The following SNX18 variants were observed in gnomAD, a reference collection of about 807,000 sequenced individuals.
SNX18 encodes sorting nexin 18.
In SNX18, 35 loss-of-function variants were observed where a neutral mutation model predicts 48.7. The observed-to-expected ratio is 0.72, with a 90% CI of 0.55 to 0.95. The LOEUF (loss-of-function observed/expected upper bound fraction) is 0.95, where lower values mean the gene tolerates loss of function less well. Ranked by LOEUF, SNX18 falls within the 40% of genes least tolerant of loss-of-function variation. The pLI, the probability that SNX18 is intolerant of heterozygous loss-of-function variation, is 0.00. For missense variants in SNX18, 824 were observed against 871.0 expected, an observed-to-expected ratio of 0.95 and a Z score of 0.68; for synonymous variants, 492 against 384.7, an observed-to-expected ratio of 1.28 and a Z score of -3.26.
intron 1 of SNX18, among the ~76,000 whole-genome samples, chr5:54,527,141 C>T (rs773836794): frequency 8.6e-5 from 13 of 151,734 alleles, no homozygotes; most frequent in Non-Finnish European, 1.6e-4. Flanking sequence ...AATGAAAGCC[C>T]GAGTCAGATG....
chr5:54,643,974 C>G, the SNX18 span: 1 of 152,202 alleles, frequency 6.6e-6, no homozygotes, highest in South Asian at 2.1e-4. Context: ...TTGGGTGACT[C>G]CACTGTTACT....
At chr5:54,595,043 A>G in the SNX18 span, among the ~76,000 whole-genome samples, 1 of 152,188 alleles carries the variant, frequency 6.6e-6, no homozygotes, top group African/African-American at 2.4e-5. Flanking sequence ...TGGTGTATAT[A>G]TACTACATTT....
At chr5:54,529,364 G>A (rs994839802) in intron 1 of SNX18, among the ~76,000 whole-genome samples, 1 of 152,168 alleles carries the variant, frequency 6.6e-6, no homozygotes, top group Non-Finnish European at 1.5e-5. Context: ...TCACCCAGGC[G>A]CCTGTTTGTT....
At chr5:54,608,070 A>T in the SNX18 span, among the ~76,000 whole-genome samples, 1 of 152,202 alleles carries the variant, frequency 6.6e-6, no homozygotes, top group Non-Finnish European at 1.5e-5. Flanking sequence ...GTACTTACAT[A>T]ATTGCTTTTT....
the SNX18 span, among the ~76,000 whole-genome samples, chr5:54,595,511 A>T: frequency 6.6e-6 from 1 of 152,296 alleles, no homozygotes; most frequent in South Asian, 2.1e-4. Context: ...CTGGGATTAT[A>T]GGTGTGAGCC....
the SNX18 span, among the ~76,000 whole-genome samples, chr5:54,596,908 C>T: frequency 3.3e-5 from 5 of 151,944 alleles, no homozygotes; most frequent in African/African-American, 7.2e-5. Flanking sequence ...AGAGGTCTCT[C>T]GACCAGATGC....
At chr5:54,603,255 TTTAGAGATAGG>T in the SNX18 span, among the ~76,000 whole-genome samples, 1 of 150,790 alleles carries the variant, frequency 6.6e-6, no homozygotes, top group Admixed American at 6.6e-5. Context: ...TATATATTTT[TTTAGAGATAGG>T]CTATCACTCT....
the SNX18 span, among the ~76,000 whole-genome samples, chr5:54,585,551 T>G: frequency 2.6e-5 from 4 of 151,838 alleles, no homozygotes; most frequent in African/African-American, 9.7e-5. Flanking sequence ...TTCCCCTGAG[T>G]TAGATGACCA....
chr5:54,577,703 G>T, the SNX18 span, among the ~76,000 whole-genome samples: 1 of 152,294 alleles, frequency 6.6e-6, no homozygotes, highest in East Asian at 1.9e-4. Context: ...TCCAGCATAC[G>T]CTGAGGTTTG....
At chr5:54,534,680 G>GA (rs1762318374) in intron 1 of SNX18, among the ~76,000 whole-genome samples, 1 of 146,346 alleles carries the variant, frequency 6.8e-6, no homozygotes, top group Admixed American at 6.8e-5. Context: ...TTTTTGTTTT[G>GA]TTTTTTTTTT....
the SNX18 span, among the ~76,000 whole-genome samples, chr5:54,604,840 C>T: frequency 6.6e-6 from 1 of 152,128 alleles, no homozygotes; most frequent in African/African-American, 2.4e-5. Context: ...AAGAGGATGA[C>T]TGGATATTGA....
At chr5:54,557,673 G>T in the SNX18 span, among the ~76,000 whole-genome samples, 1 of 152,138 alleles carries the variant, frequency 6.6e-6, no homozygotes, top group Non-Finnish European at 1.5e-5. Context: ...TTTCAGTTTT[G>T]TAAGATGACA....
chr5:54,526,751 C>T (rs781306691), intron 1 of SNX18, among the ~76,000 whole-genome samples: 2 of 152,054 alleles, frequency 1.3e-5, no homozygotes, highest in Non-Finnish European at 2.9e-5. Flanking sequence ...TGGAGACACT[C>T]AATGAAAAAC....
At chr5:54,609,537 T>C in the SNX18 span, among the ~76,000 whole-genome samples, 7 of 152,120 alleles carry the variant, frequency 4.6e-5, no homozygotes, top group Non-Finnish European at 8.8e-5. Context: ...CAGGCTGGCC[T>C]CCAACTTCTG....
chr5:54,588,322 T>C, the SNX18 span, among the ~76,000 whole-genome samples: 824 of 22,152 alleles, frequency 0.037, 30 homozygotes, highest in African/African-American at 0.14. Flanking sequence ...TTTTTTTTTT[T>C]TTTTTTTTTT....
At position 54,518,827 on chromosome 5, in the gene SNX18, T is replaced by G; in HGVS notation, c.875T>G (p.Met292Arg). ...ACCAAGCAGACCAAGTTCAAGGGCA[T>G]GAAGAGCTACATCTCCTACAAGCTG... is the stretch of plus-strand genomic sequence containing the variant. Reference protein sequence around the residue: ...DPTKQTKFKGMKSYISYKLVP... With the variant: ...DPTKQTKFKGRKSYISYKLVP... Residue 292 changes from methionine to arginine, a missense_variant, in exon 1 of 2, where the codon ATG (methionine) becomes AGG (arginine). Transcript: ENST00000381410. 1 of 1,608,920 alleles carries G rather than the reference T, an allele frequency of 6.2e-7. No individual in the cohort carries two copies. The highest frequency in any genetic ancestry group is 8.5e-7 in the Non-Finnish European group (1 of 1,176,898).
chr5:54,576,683 T>G, the SNX18 span, among the ~76,000 whole-genome samples: 1 of 152,234 alleles, frequency 6.6e-6, no homozygotes, highest in Non-Finnish European at 1.5e-5. Context: ...AAGGCATGGC[T>G]GAATGTTACA....
the SNX18 span, among the ~76,000 whole-genome samples, chr5:54,567,453 A>C: frequency 1.3e-5 from 2 of 152,162 alleles, no homozygotes; most frequent in Non-Finnish European, 2.9e-5. Flanking sequence ...GACAAAAGGA[A>C]GAAGGAGACC....
At chr5:54,596,369 C>G in the SNX18 span, among the ~76,000 whole-genome samples, 1 of 152,146 alleles carries the variant, frequency 6.6e-6, no homozygotes, top group Non-Finnish European at 1.5e-5. Context: ...TGAGAGCATC[C>G]TGATGGAGGA....
Sources: gnomAD v4.1 joint callset for allele counts (sites outside exome capture counted in the v4.1 genomes callset) on GRCh38, gnomAD v4.1.1 for gene constraint, MANE v1.5 for transcripts, NCBI Gene and HGNC (gene_info 2026-07-23, HGNC 2026-07-21) for gene names.